The following CCDC138 variants were observed in gnomAD, a reference collection of about 807,000 sequenced individuals.
CCDC138 encodes coiled-coil domain-containing protein 138.
In CCDC138, 66 loss-of-function variants were observed where a neutral mutation model predicts 82.3. The ratio of observed to expected loss-of-function variants is 0.80; its 90% CI spans 0.66 to 0.98. The LOEUF (loss-of-function observed/expected upper bound fraction) is 0.98, where lower values mean the gene tolerates loss of function less well. Among genes scored for constraint, CCDC138 ranks in the 50% least tolerant of loss-of-function variants. The pLI, the probability that CCDC138 is intolerant of heterozygous loss-of-function variation, is 0.00. For missense variants in CCDC138, 816 were observed against 758.9 expected (o/e 1.08, Z -0.88); for synonymous variants, 297 against 265.4 (o/e 1.12, Z -1.16).
intron 11 of CCDC138, 91 bp downstream of exon 11, chr2:108,839,392 C>A: frequency 9.3e-7 from 1 of 1,075,526 alleles, no homozygotes; most frequent in Non-Finnish European, 1.3e-6. Flanking sequence ...TGAATATATT[C>A]TCTGTATTTC....
intron 11 of CCDC138, among the ~76,000 whole-genome samples, chr2:108,846,479 G>C (rs546610040): frequency 1.3e-5 from 2 of 150,386 alleles, no homozygotes; most frequent in East Asian, 3.9e-4. Flanking sequence ...AAGAGTTCGA[G>C]ACCAGCCTCA....
At position 108,814,267 on chromosome 2, in the gene CCDC138, T is replaced by C. The variant is rs1574033756; in HGVS notation, c.1041+1340T>C. ...AAGTTTTGGTTGCTCCACAACCTTG[T>C]CAACATTTGGTGTTTTCAGTTTTCT... On this transcript the variant is annotated intron_variant, in intron 9 of 14. Transcript: ENST00000295124. 2.0e-5 allele frequency among the ~76,000 whole-genome samples: 3 copies of C among 152,332 alleles called. No individual in the cohort carries two copies. The South Asian group carries it at 6.2e-4, about 32-fold the overall frequency.
intron 13 of CCDC138, among the ~76,000 whole-genome samples, chr2:108,859,430 T>G (rs1243286708): frequency 6.6e-6 from 1 of 152,222 alleles, no homozygotes; most frequent in Non-Finnish European, 1.5e-5. Flanking sequence ...ATTTTTATTT[T>G]TATTGCATTT....
In CCDC138 at chr2:108,816,062, A is replaced by G. The variant is rs759326611; in HGVS notation, c.1163A>G (p.Lys388Arg). 8.1e-6 allele frequency: 13 copies of G among 1,613,116 alleles called. No individual in the cohort carries two copies. The highest frequency in any genetic ancestry group is 4.5e-5 in the East Asian group (2 of 44,866). Residue 388 changes from lysine (K) to arginine (R), a missense_variant, in exon 10 of 15, where the codon AAA (lysine) becomes AGA (arginine). Physicochemically the swap from Lys to Arg is conservative, Grantham distance 26. Transcript: ENST00000295124. Reference protein sequence around the residue: ...SGMDGKKPQLKFASQRNDIQE... With the variant: ...SGMDGKKPQLRFASQRNDIQE... ...ATGGATGGTAAAAAACCACAACTCA[A>G]ATTTGCTTCCCAGAGAAATGATATT...
At position 108,788,095 on chromosome 2, in the gene CCDC138, C is replaced by A; in HGVS notation, c.151+6C>A. The A allele has an allele frequency of 6.2e-7, 1 of 1,602,372 alleles. No homozygotes were observed. The highest frequency in any genetic ancestry group is 8.5e-7 in the Non-Finnish European group (1 of 1,176,014). The stretch of plus-strand genomic sequence containing the variant: ...AAGAACTCTAACCTCCCCAGGTAAG[C>A]CGGTATTTTGTATATTTGGGGGTTT... On this transcript the variant is annotated splice_donor_region_variant and intron_variant, in intron 2 of 14. Transcript: ENST00000295124.
At chr2:108,832,499 C>A (rs535882820) in intron 10 of CCDC138, among the ~76,000 whole-genome samples, 1 of 151,998 alleles carries the variant, frequency 6.6e-6, no homozygotes, top group South Asian at 2.1e-4. Flanking sequence ...AGGCATGCGC[C>A]ACCACACCCA....
intron 11 of CCDC138, 83 bp from the exon 12 acceptor site, chr2:108,846,655 C>A: frequency 1.6e-6 from 2 of 1,233,290 alleles, no homozygotes; most frequent in Non-Finnish European, 2.3e-6. Context: ...CCAACCTGGG[C>A]AACAGAGCAA....
rs1281805888 is a variant in CCDC138 at position 108,788,074 on chromosome 2, A to C, written c.136A>C (p.Thr46Pro). 2.5e-6 allele frequency: 4 copies of C among 1,601,224 alleles called. No homozygotes were observed. The highest frequency in any genetic ancestry group is 3.4e-6 in the Non-Finnish European group (4 of 1,175,684). ...NFYQSKYKRRTLTSPGDLDIY... is the reference protein window; with the variant it reads ...NFYQSKYKRRPLTSPGDLDIY... ...TTATCAGTCTAAGTATAAGAGAAGAACTCTAACCTCCCCAGGTAAGCCGGT... is the reference window on the plus strand; with the variant it reads ...TTATCAGTCTAAGTATAAGAGAAGACCTCTAACCTCCCCAGGTAAGCCGGT... The change falls in exon 2 of 15, where the codon ACT (threonine) becomes CCT (proline). Residue 46 changes from threonine (T) to proline (P), a missense_variant. Physicochemically the swap from Thr to Pro is conservative, Grantham distance 38. Transcript: ENST00000295124.
intron 13 of CCDC138, among the ~76,000 whole-genome samples, chr2:108,868,960 G>T (rs1232629846): frequency 6.6e-6 from 1 of 151,986 alleles, no homozygotes; most frequent in African/African-American, 2.4e-5. Context: ...TTTTCTCTAC[G>T]TTCCCAGCTG....
intron 10 of CCDC138, among the ~76,000 whole-genome samples, chr2:108,835,151 G>A (rs1434742736): frequency 1.3e-5 from 2 of 152,208 alleles, no homozygotes; most frequent in East Asian, 3.8e-4. Context: ...GGAAGTTTAT[G>A]CAGCTTAACA....
chr2:108,844,772 G>C lies in CCDC138; in HGVS notation c.1324-1966G>C, dbSNP rs373063497. ...CATTTTTTTTTTTTTTTTTGAGACAGAGTCTTGCTCTGTCATCCAGGCTGG... is the reference window on the plus strand; with the variant it reads ...CATTTTTTTTTTTTTTTTTGAGACACAGTCTTGCTCTGTCATCCAGGCTGG... On this transcript the variant is annotated intron_variant, in intron 11 of 14. Coordinates refer to ENST00000295124, the MANE Select transcript of CCDC138 (RefSeq NM_144978.3). Among the ~76,000 whole-genome samples the C allele has an allele frequency of 2.6e-3, 374 of 142,376 alleles. 3 individuals carry two copies. In the South Asian group the frequency reaches 0.041, roughly 16 times the overall value. The allele number at this position is 142,376 out of a possible 152,430, so 93.4% of individuals were successfully genotyped here. A position where few individuals can be genotyped will look rare whatever the true frequency, so the allele number is the denominator to read the frequency against.
intron 10 of CCDC138, among the ~76,000 whole-genome samples, chr2:108,824,011 A>G (rs1686153385): frequency 6.6e-6 from 1 of 152,098 alleles, no homozygotes; most frequent in South Asian, 2.1e-4. Context: ...GGTACACCTG[A>G]ATAGAGCACT....
chr2:108,806,596 C>G lies in CCDC138; in HGVS notation c.855+1588C>G, dbSNP rs113018827. Among the ~76,000 whole-genome samples, 306 of 152,158 alleles carry G rather than the reference C, an allele frequency of 2.0e-3. 1 individual carries two copies. Among genetic ancestry groups the G allele is most frequent in the Non-Finnish European group, 3.6e-3 (242 of 68,006 alleles). The stretch of plus-strand genomic sequence containing the variant: ...CTCTCTTTCAGTGACCCAGCTCTGC[C>G]ATCGTAATGCGAAAACAGCCATAGG... On this transcript the variant is annotated intron_variant, in intron 7 of 14. Transcript: ENST00000295124.
At chr2:108,836,157 A>G (rs1688541236) in intron 10 of CCDC138, among the ~76,000 whole-genome samples, 1 of 151,816 alleles carries the variant, frequency 6.6e-6, no homozygotes, top group Admixed American at 6.6e-5. Context: ...TTAAATAACA[A>G]CTCCCCATTT....
At chr2:108,848,928 T>C (rs950669243) in intron 12 of CCDC138, among the ~76,000 whole-genome samples, 1 of 152,156 alleles carries the variant, frequency 6.6e-6, no homozygotes, top group African/African-American at 2.4e-5. Flanking sequence ...ATACAGATGA[T>C]AGAATTAGTA....
intron 7 of CCDC138, among the ~76,000 whole-genome samples, chr2:108,807,696 C>A (rs1295001002): frequency 6.6e-6 from 1 of 152,156 alleles, no homozygotes; most frequent in East Asian, 1.9e-4. Context: ...CGGCTCACTG[C>A]AACCTCTGCC....
chr2:108,838,365 T>C (rs1226496398), intron 10 of CCDC138, among the ~76,000 whole-genome samples: 1 of 152,214 alleles, frequency 6.6e-6, no homozygotes, highest in Non-Finnish European at 1.5e-5. Flanking sequence ...AATACACTCA[T>C]AATCATTAGT....
At chr2:108,852,974 G>A (rs895943823) in intron 12 of CCDC138, among the ~76,000 whole-genome samples, 1 of 152,154 alleles carries the variant, frequency 6.6e-6, no homozygotes, top group African/African-American at 2.4e-5. Context: ...GCACAATTTT[G>A]TTTGTATCAA....
chr2:108,815,461 G>GTTTTTTTTTT (rs35206784), intron 9 of CCDC138, among the ~76,000 whole-genome samples: 37 of 70,736 alleles, frequency 5.2e-4, no homozygotes, highest in East Asian at 1.4e-3. Flanking sequence ...GGTTTTTGGT[G>GTTTTTTTTTT]TTTTTTTTTT....
Sources: allele counts gnomAD v4.1 joint callset (sites outside exome capture counted in the v4.1 genomes callset), GRCh38; gene constraint gnomAD v4.1.1; transcripts MANE v1.5; gene names NCBI Gene and HGNC (gene_info 2026-07-23, HGNC 2026-07-21).